LRRC1: variants seen among roughly 807,000 people sequenced by gnomAD.
LRRC1 encodes the protein leucine-rich repeat-containing protein 1.
LRRC1 carries 28 observed loss-of-function variants against 69.9 expected under a neutral mutation model. That is an observed-to-expected ratio of 0.40 (90% CI 0.30 to 0.55). The LOEUF is 0.55. LRRC1 is among the 20% of genes least tolerant of loss of function. LRRC1 has a pLI of 0.47. For missense variants in LRRC1, 498 were observed against 609.0 expected (o/e 0.82, Z 1.92); for synonymous variants, 236 against 240.2 (o/e 0.98, Z 0.16).
chr6:53,840,180 T>C (rs568212795), intron 1 of LRRC1, among the ~76,000 whole-genome samples: 1 of 152,346 alleles, frequency 6.6e-6, no homozygotes, highest in Non-Finnish European at 1.5e-5. Flanking sequence ...GCAAGGAAAC[T>C]GAACTTTTTG....
chr6:53,807,147 T>C (rs1185581447), intron 1 of LRRC1, among the ~76,000 whole-genome samples: 1 of 152,208 alleles, frequency 6.6e-6, no homozygotes, highest in Admixed American at 6.5e-5. Flanking sequence ...GATCAAAGGC[T>C]ACAGCTCTCT....
At chr6:53,864,389 C>G (rs1190073026) in intron 2 of LRRC1, among the ~76,000 whole-genome samples, 1 of 152,130 alleles carries the variant, frequency 6.6e-6, no homozygotes, top group Non-Finnish European at 1.5e-5. Context: ...TCTGACTCCT[C>G]ATTTTGTCTC....
At position 53,832,710 on chromosome 6, in the gene LRRC1, G is replaced by A. The variant is rs571292441; in HGVS notation, c.160-9400G>A. 2.4e-4 allele frequency among the ~76,000 whole-genome samples: 36 copies of A among 152,222 alleles called. No homozygotes were observed. In the East Asian group the frequency reaches 6.8e-3, roughly 29 times the overall value. On this transcript the variant is annotated intron_variant, in intron 1 of 13. Transcript: ENST00000370888. ...AGGAAAAACAACCCTTTCTAGATGA[G>A]TAGAATCTTTGATTTTCTGTCGTAC...
At chr6:53,804,864 A>C (rs1292049744) in intron 1 of LRRC1, among the ~76,000 whole-genome samples, 1 of 152,222 alleles carries the variant, frequency 6.6e-6, no homozygotes, top group Admixed American at 6.5e-5. Flanking sequence ...TAGAGATTAC[A>C]CAAATCTAAT....
chr6:53,918,257 A>G (rs1006218930), intron 11 of LRRC1, among the ~76,000 whole-genome samples: 2 of 152,252 alleles, frequency 1.3e-5, no homozygotes, highest in African/African-American at 4.8e-5. Flanking sequence ...CTTAAGTTAC[A>G]GTTTCACAGT....
chr6:53,887,549 C>A (rs1051448242), intron 4 of LRRC1, among the ~76,000 whole-genome samples: 2 of 151,914 alleles, frequency 1.3e-5, no homozygotes, highest in Non-Finnish European at 2.9e-5. Context: ...CTTTACCCAT[C>A]CTGAGCTTTA....
At chr6:53,902,817 G>A in intron 9 of LRRC1, 70 bp downstream of exon 9, 1 of 929,300 alleles carries the variant, frequency 1.1e-6, no homozygotes, top group Admixed American at 2.4e-5. Context: ...TAATTTGAGT[G>A]GACTAAATGG....
At position 53,825,143 on chromosome 6, in the gene LRRC1, G is replaced by A. The variant is rs373107633; in HGVS notation, c.160-16967G>A. Among the ~76,000 whole-genome samples the A allele has an allele frequency of 1.4e-4, 22 of 152,210 alleles. No homozygotes were observed. The South Asian group carries it at 2.9e-3, about 20-fold the overall frequency. On this transcript the variant is annotated intron_variant, in intron 1 of 13. Transcript: ENST00000370888. The stretch of plus-strand genomic sequence containing the variant: ...GTCCTCTGCACTACTTAGTGTTGCC[G>A]GTAAACCATGCATGGGGAGAGATAA...
In LRRC1 at chr6:53,899,813, G is replaced by C. The variant is rs1266627956; in HGVS notation, c.709G>C (p.Glu237Gln). 1.2e-6 allele frequency: 2 copies of C among 1,614,028 alleles called. No homozygotes were observed. The highest frequency in any genetic ancestry group is 2.2e-5 in the South Asian group (2 of 91,078). Residue 237 changes from glutamate to glutamine, a missense_variant, in exon 8 of 14, where the codon GAA becomes CAA. Glu to Gln is a conservative substitution (Grantham distance 29). This residue lies in a region of LRRC1 where 266 missense variants were observed against 383.9 expected (regional missense o/e 0.69). Transcript: ENST00000370888. The part of the protein sequence containing the change: ...VSENRLERLP[E>Q]EISGLTSLTD... ...TGAAAACAGGTTGGAAAGACTTCCT[G>C]AAGAAATCAGTGGCCTGACTTCATT... is the stretch of plus-strand genomic sequence containing the variant.
At chr6:53,853,573 C>T (rs932223060) in intron 2 of LRRC1, among the ~76,000 whole-genome samples, 4 of 152,296 alleles carry the variant, frequency 2.6e-5, no homozygotes, top group East Asian at 1.9e-4. Flanking sequence ...GTGTGAGCCA[C>T]TGCACCCAGC....
chr6:53,818,292 C>T (rs1467485880), intron 1 of LRRC1, among the ~76,000 whole-genome samples: 1 of 151,922 alleles, frequency 6.6e-6, no homozygotes, highest in African/African-American at 2.4e-5. Context: ...AAAAATCTAG[C>T]CTAATAATTC....
chr6:53,805,093 A>G (rs1305256722), intron 1 of LRRC1, among the ~76,000 whole-genome samples: 1 of 151,998 alleles, frequency 6.6e-6, no homozygotes, highest in Non-Finnish European at 1.5e-5. Context: ...GGTCTGGAAA[A>G]GGCCTCGGGT....
rs377232311 is a variant in LRRC1 at position 53,896,460 on chromosome 6, T to C, written c.447-38T>C. 20 of 1,571,378 alleles carry C rather than the reference T, an allele frequency of 1.3e-5. No individual in the cohort carries two copies. In the African/African-American group the frequency reaches 2.4e-4, roughly 19 times the overall value. Reference sequence around the variant, plus strand: ...AGGGAGGTAGGAAGAATCTCAGGAATTTCTCTTATGCTTTTTTTTCCTTCT... The same window carrying C: ...AGGGAGGTAGGAAGAATCTCAGGAACTTCTCTTATGCTTTTTTTTCCTTCT... On this transcript the variant is annotated intron_variant, in intron 4 of 13. Coordinates refer to ENST00000370888, the MANE Select transcript of LRRC1 (RefSeq NM_018214.5).
At chr6:53,842,885 A>T (rs989127274) in intron 2 of LRRC1, among the ~76,000 whole-genome samples, 2 of 152,188 alleles carry the variant, frequency 1.3e-5, no homozygotes, top group African/African-American at 2.4e-5. Context: ...CCCACTATTG[A>T]TTCATTTTTA....
At chr6:53,913,552 C>T (rs995256799) in intron 10 of LRRC1, among the ~76,000 whole-genome samples, 2 of 152,100 alleles carry the variant, frequency 1.3e-5, no homozygotes, top group Admixed American at 6.5e-5. Context: ...GATGCAGTTG[C>T]GTTAGATATC....
At chr6:53,892,009 T>TACACACACACACACACACAC (rs761476094) in intron 4 of LRRC1, among the ~76,000 whole-genome samples, 2 of 74,644 alleles carry the variant, frequency 2.7e-5, no homozygotes, top group East Asian at 7.3e-4. Context: ...AATATATATA[T>TACACACACACACACACACAC]ATACACACAC....
chr6:53,879,029 A>G lies in LRRC1; in HGVS notation c.314A>G (p.Lys105Arg). The G allele has an allele frequency of 6.2e-7, 1 of 1,613,430 alleles. No individual in the cohort carries two copies. The highest frequency in any genetic ancestry group is 1.1e-5 in the South Asian group (1 of 90,980). The change falls in exon 3 of 14, where the codon AAA becomes AGA. Residue 105 changes from lysine (K) to arginine (R), a missense_variant. Lys to Arg is a conservative substitution (Grantham distance 26). This residue lies in a region of LRRC1 where 266 missense variants were observed against 383.9 expected (regional missense o/e 0.69). Transcript: ENST00000370888. ...PEIPESISFC[K>R]ALQVADFSGN... ...ATTCCAGAAAGCATTTCATTCTGTAAAGCACTGCAGGTAGCTGACTTCAGC... is the reference window on the plus strand; with the variant it reads ...ATTCCAGAAAGCATTTCATTCTGTAGAGCACTGCAGGTAGCTGACTTCAGC...
At chr6:53,920,517 C>A (rs1215063872) in intron 12 of LRRC1, 108 bp from the exon 13 acceptor site, 19 of 1,225,150 alleles carry the variant, frequency 1.6e-5, no homozygotes, top group Admixed American at 5.7e-5. Flanking sequence ...TTCTGGTGTT[C>A]TACCCCTGGT....
intron 10 of LRRC1, among the ~76,000 whole-genome samples, chr6:53,909,692 A>G (rs1283111270): frequency 1.3e-5 from 2 of 152,192 alleles, no homozygotes. Context: ...AAAGCCACAC[A>G]ATTGCCAAAA....
Sources: gnomAD v4.1 joint callset for allele counts (sites outside exome capture counted in the v4.1 genomes callset) on GRCh38, gnomAD v4.1.1 for gene constraint, gnomAD v4.1.1 regional missense constraint, MANE v1.5 for transcripts, NCBI Gene and HGNC (gene_info 2026-07-23, HGNC 2026-07-21) for gene names.